MDN1: variants seen among roughly 807,000 people sequenced by gnomAD.
The protein encoded by MDN1 is midasin.
In MDN1, 266 loss-of-function variants were observed where a neutral mutation model predicts 669.2. The ratio of observed to expected loss-of-function variants is 0.40; its 90% CI spans 0.36 to 0.44. MDN1 has a LOEUF of 0.44. MDN1 is among the 20% of genes least tolerant of loss of function. The pLI, the probability that MDN1 is intolerant of heterozygous loss-of-function variation, is 1.00. For synonymous variants in MDN1, 2,385 were observed against 2,457.1 expected (o/e 0.97, Z 0.87); for missense variants, 5,940 against 6,754.0 (o/e 0.88, Z 4.22).
chr6:89,662,015 C>T, intron 87 of MDN1, 72 bp downstream of exon 87: 1 of 1,520,784 alleles, frequency 6.6e-7, no homozygotes, highest in Non-Finnish European at 8.8e-7. Flanking sequence ...TCTTGAGACA[C>T]CTTGAGAACT....
In MDN1 at chr6:89,675,846, C is replaced by G. The variant is rs916936701; in HGVS notation, c.12645+256G>C. On this transcript the variant is annotated intron_variant, in intron 77 of 101. Coordinates refer to ENST00000369393, the MANE Select transcript of MDN1 (RefSeq NM_014611.3). Reference sequence around the variant, plus strand: ...AAGAAAGATCTAAAGATGGCATTCTCAATTTGAAGTTTTTAATTTTTCTTA... The same window carrying G: ...AAGAAAGATCTAAAGATGGCATTCTGAATTTGAAGTTTTTAATTTTTCTTA... 7.2e-6 allele frequency: 4 copies of G among 556,322 alleles called. No homozygotes were observed. In the African/African-American group the frequency reaches 7.6e-5, roughly 11 times the overall value. The allele number at this position is 556,322 out of a possible 1,614,324, so 34.5% of individuals were successfully genotyped here.
In MDN1 at chr6:89,716,740, C is replaced by T. The variant is rs1351198027; in HGVS notation, c.6653G>A (p.Ser2218Asn). Residue 2218 changes from serine (S) to asparagine (N), a missense_variant, in exon 44 of 102, where the codon AGC becomes AAC. Physicochemically the swap from Ser to Asn is conservative, Grantham distance 46. Around this residue, in one of 5 missense-constraint regions of MDN1, gnomAD observed 2,292 missense variants for 2,638.3 expected, o/e 0.87. Transcript: ENST00000369393. ...GTCAACCCATTCAAATGTGCCATGG[C>T]TATGGCCACTGGCCAACTGCGTAAG... is the stretch of plus-strand genomic sequence containing the variant. Reference protein sequence around the residue: ...VKLTQLASGHSHGTFEWVDSM... With the variant: ...VKLTQLASGHNHGTFEWVDSM... The T allele has an allele frequency of 1.2e-6, 2 of 1,613,926 alleles. No homozygotes were observed. The highest frequency in any genetic ancestry group is 1.7e-6 in the Non-Finnish European group (2 of 1,179,954).
At chr6:89,697,268 C>T (rs544709820) in intron 59 of MDN1, among the ~76,000 whole-genome samples, 1 of 152,082 alleles carries the variant, frequency 6.6e-6, no homozygotes, top group Non-Finnish European at 1.5e-5. Flanking sequence ...ATTTGCATCC[C>T]TATATCATAA....
chr6:89,683,565 C>G (rs961392071), intron 72 of MDN1, among the ~76,000 whole-genome samples: 1 of 152,078 alleles, frequency 6.6e-6, no homozygotes, highest in African/African-American at 2.4e-5. Flanking sequence ...GATTGCTTTG[C>G]TCAAAGTATA....
chr6:89,671,590 G>T (rs1253867656), intron 82 of MDN1, among the ~76,000 whole-genome samples: 1 of 152,194 alleles, frequency 6.6e-6, no homozygotes, highest in African/African-American at 2.4e-5. Flanking sequence ...AGGCTGAGGT[G>T]TGAGGATCAC....
rs529881559 is a variant in MDN1, at chr6:89,678,834, C to G, written c.12266-89G>C. On this transcript the variant is annotated intron_variant, in intron 74 of 101. Transcript: ENST00000369393. ...TTTGTTACCCAACACCAGGGACCTT[C>G]TGGAGAACAAAGGCCAAGTATCATT... 4.2e-5 allele frequency: 58 copies of G among 1,393,816 alleles called. No homozygotes were observed. In the African/African-American group the frequency reaches 8.2e-4, roughly 20 times the overall value. 86.3% of individuals were successfully genotyped at this position (1,393,816 alleles called of 1,614,324 possible).
intron 15 of MDN1, among the ~76,000 whole-genome samples, chr6:89,768,196 C>T (rs1817899034): frequency 6.6e-6 from 1 of 152,192 alleles, no homozygotes; most frequent in Admixed American, 6.5e-5. Flanking sequence ...TATGGTTTGG[C>T]TGTGTCCCCA....
chr6:89,751,384 C>A, intron 23 of MDN1, 47 bp downstream of exon 23: 1 of 1,610,076 alleles, frequency 6.2e-7, no homozygotes, highest in South Asian at 1.1e-5. Context: ...GTCATCAATG[C>A]CTATGCCTGT....
At chr6:89,790,558 T>C (rs188732348) in intron 5 of MDN1, among the ~76,000 whole-genome samples, 157 bp from the exon 6 acceptor site, 15 of 152,186 alleles carry the variant, frequency 9.9e-5, no homozygotes, top group Non-Finnish European at 1.8e-4. Context: ...CATCTAAAGA[T>C]CTCATGGGCA....
chr6:89,688,267 A>G lies in MDN1; in HGVS notation c.11260-94T>C, dbSNP rs1355677377. 2.6e-6 allele frequency: 3 copies of G among 1,157,962 alleles called. No individual in the cohort carries two copies. In the East Asian group the frequency reaches 7.0e-5, roughly 27 times the overall value. 71.7% of individuals were successfully genotyped at this position (1,157,962 alleles called of 1,614,324 possible). On this transcript the variant is annotated intron_variant, in intron 66 of 101. Transcript: ENST00000369393. ...GAGTCCTGACCAGAAGATTCCCCCC[A>G]GTTCTCTACTTTTAAAACACCTCTG... is the stretch of plus-strand genomic sequence containing the variant.
chr6:89,725,905 G>A (rs1768162353), intron 37 of MDN1, among the ~76,000 whole-genome samples: 1 of 148,690 alleles, frequency 6.7e-6, no homozygotes, highest in Non-Finnish European at 1.5e-5. Context: ...TCCCATGTAT[G>A]TTAGAGATTT....
intron 84 of MDN1, among the ~76,000 whole-genome samples, chr6:89,665,847 T>C (rs1242195211): frequency 6.6e-6 from 1 of 151,896 alleles, no homozygotes; most frequent in Admixed American, 6.6e-5. Context: ...CAAGAACAGC[T>C]TGGCCAACAT....
chr6:89,697,811 A>G (rs1171210405), intron 59 of MDN1, among the ~76,000 whole-genome samples: 11 of 152,004 alleles, frequency 7.2e-5, no homozygotes, highest in African/African-American at 2.7e-4. Context: ...TGAACTCCTG[A>G]CCTCAAATGA....
chr6:89,783,132 T>C (rs1309590110), intron 9 of MDN1, among the ~76,000 whole-genome samples: 1 of 152,170 alleles, frequency 6.6e-6, no homozygotes, highest in African/African-American at 2.4e-5. Flanking sequence ...AAGGTCTGAC[T>C]GCCTGCAGGG....
chr6:89,736,791 C>A (rs1008175744), intron 33 of MDN1, among the ~76,000 whole-genome samples: 1 of 152,144 alleles, frequency 6.6e-6, no homozygotes, highest in African/African-American at 2.4e-5. Context: ...CCTTGTCTCC[C>A]CACAACCCCC....
Position 89,705,958 on chromosome 6 carries a change from G to A in MDN1, c.8148+101C>T, listed in dbSNP as rs1813486065. 7 of 1,000,218 alleles carry A rather than the reference G, an allele frequency of 7.0e-6. No homozygotes were observed. In the Admixed American group the frequency reaches 1.9e-4, roughly 27 times the overall value. 62.0% of individuals were successfully genotyped at this position (1,000,218 alleles called of 1,614,324 possible). ...AAGAATAAGTTTCTTAAATAATATT[G>A]GGCATATAACAACACTAAAGTTAGT... On this transcript the variant is annotated intron_variant, in intron 53 of 101. Transcript: ENST00000369393.
In MDN1 at chr6:89,656,732, C is replaced by T; in HGVS notation, c.15253G>A (p.Ala5085Thr). 1.9e-6 allele frequency: 3 copies of T among 1,612,620 alleles called. No individual in the cohort carries two copies. The highest frequency in any genetic ancestry group is 1.7e-6 in the Non-Finnish European group (2 of 1,179,346). ...TTTTTCCTGGTGTGCTTCTGGGAGG[C>T]CAACTGGGCAATGAAATTCGATTCA... ...GHESNFIAQL[A>T]SQKHTRKNTQ... The change falls in exon 91 of 102, where the codon GCC (alanine) becomes ACC (threonine). Residue 5085 changes from alanine to threonine, a missense_variant. This residue lies in a region of MDN1 where 2,280 missense variants were observed against 2,576.3 expected (regional missense o/e 0.88). Coordinates refer to ENST00000369393, the MANE Select transcript of MDN1 (RefSeq NM_014611.3).
At chr6:89,659,944 G>A (rs1809602563) in intron 88 of MDN1, among the ~76,000 whole-genome samples, 1 of 152,074 alleles carries the variant, frequency 6.6e-6, no homozygotes, top group African/African-American at 2.4e-5. Flanking sequence ...CTGGCATGCA[G>A]CGGTGCCATC....
At chr6:89,733,768 G>A (rs1049159497) in intron 33 of MDN1, among the ~76,000 whole-genome samples, 3 of 151,506 alleles carry the variant, frequency 2.0e-5, no homozygotes, top group African/African-American at 7.3e-5. Context: ...ACACTTCAGA[G>A]AAGAATAAAT....
Sources: gnomAD v4.1 joint callset for allele counts (sites outside exome capture counted in the v4.1 genomes callset) on GRCh38, gnomAD v4.1.1 for gene constraint, gnomAD v4.1.1 regional missense constraint, MANE v1.5 for transcripts, NCBI Gene and HGNC (gene_info 2026-07-23, HGNC 2026-07-21) for gene names.